The following JMJD1C variants were observed in gnomAD, a reference collection of about 807,000 sequenced individuals.
JMJD1C encodes the protein jumonji domain-containing protein 1C.
A neutral mutation model predicts 245.3 loss-of-function variants in JMJD1C; 31 were observed. That is an observed-to-expected ratio of 0.13 (90% CI 0.09 to 0.17). The LOEUF is 0.17. Among genes scored for constraint, JMJD1C ranks in the 10% least tolerant of loss-of-function variants. The pLI is 1.00. For synonymous variants in JMJD1C, 1,057 were observed against 1,017.4 expected (o/e 1.04, Z -0.74); for missense variants, 2,691 against 3,000.2 (o/e 0.90, Z 2.41).
At chr10:63,168,201 C>T in intron 25 of JMJD1C, 67 bp from the exon 26 acceptor site, 5 of 1,252,390 alleles carry the variant, frequency 4.0e-6, no homozygotes, top group East Asian at 4.6e-5. Context: ...ATGACAACTT[C>T]CAGATTTAAA....
chr10:63,226,647 C>T (rs1849311323), intron 3 of JMJD1C, among the ~76,000 whole-genome samples: 1 of 134,716 alleles, frequency 7.4e-6, no homozygotes, highest in African/African-American at 2.8e-5. Context: ...CCCAGGAATT[C>T]AAGGCAGCAA....
At chr10:63,240,003 A>G (rs1851284426) in intron 3 of JMJD1C, among the ~76,000 whole-genome samples, 1 of 152,166 alleles carries the variant, frequency 6.6e-6, no homozygotes, top group South Asian at 2.1e-4. Context: ...CATTTATTAC[A>G]TTGTATATCA....
At chr10:63,313,390 T>C (rs1422111709) in intron 2 of JMJD1C, among the ~76,000 whole-genome samples, 4 of 152,222 alleles carry the variant, frequency 2.6e-5, no homozygotes, top group Non-Finnish European at 5.9e-5. Context: ...TTCTAAATTG[T>C]GCTGCTTTGA....
chr10:63,184,784 G>A (rs747901166), intron 20 of JMJD1C, 46 bp from the exon 21 acceptor site: 6 of 1,537,496 alleles, frequency 3.9e-6, no homozygotes, highest in Non-Finnish European at 5.3e-6. Flanking sequence ...GATTTGCATT[G>A]CTAAGTATTT....
intron 1 of JMJD1C, among the ~76,000 whole-genome samples, chr10:63,428,334 C>T (rs776491008): frequency 6.6e-6 from 1 of 152,148 alleles, no homozygotes; most frequent in African/African-American, 2.4e-5. Context: ...TTTTCTCTAA[C>T]TTGCATTAAT....
chr10:63,511,538 C>T (rs564446799), intron 1 of JMJD1C, among the ~76,000 whole-genome samples: 2 of 152,150 alleles, frequency 1.3e-5, no homozygotes, highest in African/African-American at 2.4e-5. Flanking sequence ...GCTGAAATCC[C>T]GTCTCTACTA....
In JMJD1C at chr10:63,184,512, G is replaced by A. The variant is rs949667058; in HGVS notation, c.6961+96C>T. 10 of 1,058,290 alleles carry A rather than the reference G, an allele frequency of 9.4e-6. No homozygotes were observed. The Admixed American group carries it at 1.5e-4, about 15-fold the overall frequency. 65.6% of individuals were successfully genotyped at this position (1,058,290 alleles called of 1,614,324 possible). On this transcript the variant is annotated intron_variant, in intron 21 of 25. Coordinates refer to ENST00000399262, the MANE Select transcript of JMJD1C (RefSeq NM_032776.3). ...CCGCCTTAGCCTCCCAAAGAGTGCTGGGATTGCAGGCGTGAGCCACTATGC... is the reference window on the plus strand; with the variant it reads ...CCGCCTTAGCCTCCCAAAGAGTGCTAGGATTGCAGGCGTGAGCCACTATGC...
intron 12 of JMJD1C, 137 bp downstream of exon 12, chr10:63,198,376 C>T (rs1845679567): frequency 3.3e-6 from 2 of 598,806 alleles, no homozygotes; most frequent in Non-Finnish European, 2.9e-6. Flanking sequence ...ACCTTAAATA[C>T]ATACTGTAAA....
chr10:63,446,168 G>A (rs76865584), intron 1 of JMJD1C, among the ~76,000 whole-genome samples: 16,675 of 151,982 alleles, frequency 0.11, 1,160 homozygotes, highest in South Asian at 0.2. Context: ...GAGCCACCAC[G>A]CCCCGCCTGG....
At chr10:63,370,984 A>G (rs926118323) in intron 2 of JMJD1C, among the ~76,000 whole-genome samples, 1 of 152,046 alleles carries the variant, frequency 6.6e-6, no homozygotes, top group African/African-American at 2.4e-5. Flanking sequence ...TATAATATAT[A>G]TATTTTCCGT....
chr10:63,478,342 T>C (rs995449519), intron 1 of JMJD1C, among the ~76,000 whole-genome samples: 1 of 152,232 alleles, frequency 6.6e-6, no homozygotes, highest in Non-Finnish European at 1.5e-5. Flanking sequence ...CAAATGTACA[T>C]AGCCGCTTTA....
chr10:63,194,016 C>T (rs1564582971), intron 14 of JMJD1C, among the ~76,000 whole-genome samples: 1 of 152,140 alleles, frequency 6.6e-6, no homozygotes, highest in Admixed American at 6.5e-5. Flanking sequence ...TAGATATGCT[C>T]AAAAATTATA....
chr10:63,313,798 C>T (rs935986111), intron 2 of JMJD1C, among the ~76,000 whole-genome samples: 1 of 152,006 alleles, frequency 6.6e-6, no homozygotes, highest in African/African-American at 2.4e-5. Context: ...GACTGTTGAA[C>T]TTTTTGTTTG....
intron 1 of JMJD1C, among the ~76,000 whole-genome samples, chr10:63,424,497 CTTTTTTTTTT>C (rs59823871): frequency 4.8e-5 from 5 of 103,356 alleles, no homozygotes; most frequent in African/African-American, 7.2e-5. Context: ...ATTATTATTT[CTTTTTTTTTT>C]TTTTTTTTTT....
At chr10:63,354,432 CTTA>C (rs1564824411) in intron 2 of JMJD1C, among the ~76,000 whole-genome samples, 4 of 152,060 alleles carry the variant, frequency 2.6e-5, no homozygotes, top group South Asian at 2.1e-4. Context: ...CTGAATTTAT[CTTA>C]TTAATCATTT....
chr10:63,482,407 A>C (rs979528665), intron 1 of JMJD1C, among the ~76,000 whole-genome samples: 1 of 152,170 alleles, frequency 6.6e-6, no homozygotes, highest in East Asian at 1.9e-4. Flanking sequence ...AAGCTGAGGC[A>C]GGCGGATCAC....
intron 2 of JMJD1C, among the ~76,000 whole-genome samples, chr10:63,270,963 T>C (rs1355639147): frequency 6.6e-6 from 1 of 152,158 alleles, no homozygotes; most frequent in Non-Finnish European, 1.5e-5. Context: ...ATTTGTAAGT[T>C]TCTGACTTAG....
At chr10:63,298,754 C>T (rs1012039041) in intron 2 of JMJD1C, among the ~76,000 whole-genome samples, 2 of 151,916 alleles carry the variant, frequency 1.3e-5, no homozygotes, top group African/African-American at 2.4e-5. Context: ...TTTTTTTAGA[C>T]GGAGTTTTGC....
intron 1 of JMJD1C, among the ~76,000 whole-genome samples, chr10:63,451,828 A>G (rs965922867): frequency 5.9e-5 from 9 of 152,216 alleles, no homozygotes; most frequent in Admixed American, 2.6e-4. Flanking sequence ...TGCCAAAACT[A>G]TTCAATGGAA....
Sources: allele counts gnomAD v4.1 joint callset (sites outside exome capture counted in the v4.1 genomes callset), GRCh38; gene constraint gnomAD v4.1.1; transcripts MANE v1.5; gene names NCBI Gene and HGNC (gene_info 2026-07-23, HGNC 2026-07-21).